The following PLIN1 variants were observed in gnomAD, a reference collection of about 807,000 sequenced individuals.
The protein encoded by PLIN1 is perilipin 1, also known as perilipin-1.
Under a neutral mutation model 45.8 loss-of-function variants are expected in PLIN1, and 37 were observed. The ratio of observed to expected loss-of-function variants is 0.81; its 90% CI spans 0.62 to 1.06. The LOEUF (loss-of-function observed/expected upper bound fraction) is 1.06, where lower values mean the gene tolerates loss of function less well. Among genes scored for constraint, PLIN1 ranks in the 50% least tolerant of loss-of-function variants. The pLI is 0.00. For synonymous variants in PLIN1, 340 were observed against 309.2 expected (o/e 1.10, Z -1.05); for missense variants, 776 against 716.5 (o/e 1.08, Z -0.95).
chr15:89,671,396 A>C (rs532739857), intron 4 of PLIN1, 86 bp downstream of exon 4: 3 of 965,338 alleles, frequency 3.1e-6, no homozygotes, highest in Non-Finnish European at 4.9e-6. Context: ...ACTTCCAGTC[A>C]CGGCATCAGC....
chr15:89,667,006 G>A lies in PLIN1; in HGVS notation c.1139C>T (p.Ala380Val), dbSNP rs146385147. 1,720 of 1,613,996 alleles carry A rather than the reference G, an allele frequency of 1.1e-3. 17 individuals are homozygous for A. The African/African-American group carries it at 0.02, about 19-fold the overall frequency. Residue 380 changes from alanine to valine, a missense_variant, in exon 8 of 9, where the codon GCC (alanine) becomes GTC (valine). Transcript: ENST00000300055. ...CTTCAGGGCATCTGATAGGGACATGGCCCTCCCCTTGGTTGAGGAGACAGC... is the reference window on the plus strand; with the variant it reads ...CTTCAGGGCATCTGATAGGGACATGACCCTCCCCTTGGTTGAGGAGACAGC... ...APAVSSTKGR[A>V]MSLSDALKGV... is the part of the protein sequence containing the mutation.
intron 4 of PLIN1, among the ~76,000 whole-genome samples, chr15:89,670,497 C>A (rs1174386847): frequency 6.6e-6 from 1 of 152,214 alleles, no homozygotes; most frequent in Non-Finnish European, 1.5e-5. Flanking sequence ...TCCCTCCCAT[C>A]CTGTGAGGAT....
chr15:89,673,506 C>G, intron 2 of PLIN1, 92 bp from the exon 3 acceptor site: 1 of 1,032,282 alleles, frequency 9.7e-7, no homozygotes, highest in Non-Finnish European at 1.5e-6. Flanking sequence ...AATGGTGCAA[C>G]TAGCCTGAGT....
At chr15:89,677,719 G>A (rs1166462936) in intron 1 of PLIN1, 4 of 578,214 alleles carry the variant, frequency 6.9e-6, no homozygotes, top group African/African-American at 1.9e-5. Context: ...TACTTGTCAA[G>A]ACTGATGTTT....
At chr15:89,673,441 T>G in intron 2 of PLIN1, 27 bp from the exon 3 acceptor site, 1 of 1,557,410 alleles carries the variant, frequency 6.4e-7, no homozygotes, top group Admixed American at 1.9e-5. Flanking sequence ...ACATTCAAGT[T>G]GTCCCACCTC....
At chr15:89,675,444 A>AAAAAAAAAAAAAAC (rs1567080451) in intron 2 of PLIN1, among the ~76,000 whole-genome samples, 1 of 138,486 alleles carries the variant, frequency 7.2e-6, no homozygotes. Context: ...AAAAAAAAAA[A>AAAAAAAAAAAAAAC]AAAGCTGGCC....
intron 3 of PLIN1, among the ~76,000 whole-genome samples, chr15:89,672,994 A>G (rs1464110942): frequency 6.6e-6 from 1 of 152,182 alleles, no homozygotes; most frequent in Non-Finnish European, 1.5e-5. Flanking sequence ...TCCTAGGAAA[A>G]TGCCAGCTGG....
chr15:89,677,755 T>G, intron 1 of PLIN1: 4 of 276,664 alleles, frequency 1.4e-5, no homozygotes, highest in Non-Finnish European at 2.8e-5. Flanking sequence ...CTTTCTTTCT[T>G]TTTTTTTTTT....
rs1283992058 is a variant in PLIN1 at position 89,666,810 on chromosome 15, G to C, written c.1209+126C>G. 2.8e-6 allele frequency: 3 copies of C among 1,052,714 alleles called. No homozygotes were observed. In the East Asian group the frequency reaches 7.5e-5, roughly 26 times the overall value. The allele number at this position is 1,052,714 out of a possible 1,614,324, so 65.2% of individuals were successfully genotyped here. A position where few individuals can be genotyped will look rare whatever the true frequency, so the allele number is the denominator to read the frequency against. ...TGTTGCCAGGGCACTGAGGACTGGAGTGGGGGGCGGTCTCCAGAGGAGTAG... is the reference window on the plus strand; with the variant it reads ...TGTTGCCAGGGCACTGAGGACTGGACTGGGGGGCGGTCTCCAGAGGAGTAG... On this transcript the variant is annotated intron_variant, in intron 8 of 8. Coordinates refer to ENST00000300055, the MANE Select transcript of PLIN1 (RefSeq NM_002666.5).
At position 89,665,579 on chromosome 15, in the gene PLIN1, C is replaced by T. The variant is rs1237763812; in HGVS notation, c.*4G>A. The T allele has an allele frequency of 2.6e-6, 4 of 1,524,086 alleles. No homozygotes were observed. Among genetic ancestry groups the T allele is most frequent in the African/African-American group, 1.4e-5 (1 of 71,592 alleles). The allele number at this position is 1,524,086 out of a possible 1,614,324, so 94.4% of individuals were successfully genotyped here. ...GCCCGGGGCGCGGCGGCTGGTGCGG[C>T]GACTCAGCTCTTCTTGCGCAGCTGG... On this transcript the variant is annotated 3_prime_UTR_variant, in exon 9 of 9. Transcript: ENST00000300055.
At position 89,677,137 on chromosome 15, in the gene PLIN1, G is replaced by C. The variant is rs1964530966; in HGVS notation, c.45+308C>G. 1.8e-5 allele frequency: 8 copies of C among 455,880 alleles called. No individual in the cohort carries two copies. The Admixed American group carries it at 2.7e-4, about 15-fold the overall frequency. 28.2% of individuals were successfully genotyped at this position (455,880 alleles called of 1,614,324 possible). A position where few individuals can be genotyped will look rare whatever the true frequency, so the allele number is the denominator to read the frequency against. On this transcript the variant is annotated intron_variant, in intron 2 of 8. Coordinates refer to ENST00000300055, the MANE Select transcript of PLIN1 (RefSeq NM_002666.5). Reference sequence around the variant, plus strand: ...TCCAGCTGGGTGGTGGACAGAGCATGGGCTTCTGCGTCAGGGTTTAAACAG... The same window carrying C: ...TCCAGCTGGGTGGTGGACAGAGCATCGGCTTCTGCGTCAGGGTTTAAACAG...
intron 2 of PLIN1, among the ~76,000 whole-genome samples, chr15:89,675,983 TG>T (rs1028598697): frequency 6.6e-6 from 1 of 152,012 alleles, no homozygotes; most frequent in Non-Finnish European, 1.5e-5. Flanking sequence ...AAAGGGTACG[TG>T]GGGCTTCCTA....
Position 89,665,852 on chromosome 15 carries a change from T to G in PLIN1, c.1300A>C (p.Arg434=). The G allele has an allele frequency of 6.7e-7, 1 of 1,484,446 alleles. No individual in the cohort carries two copies. Among genetic ancestry groups the G allele is most frequent in the East Asian group, 2.8e-5 (1 of 35,728 alleles). 92.0% of individuals were successfully genotyped at this position (1,484,446 alleles called of 1,614,324 possible). A position where few individuals can be genotyped will look rare whatever the true frequency, so the allele number is the denominator to read the frequency against. ...AEVERREAER[R]ASGAPSAGPE... ...CCGGCGGACGGCGCCCCAGACGCTC[T>G]GCGCTCCGCCTCCCGGCGCTCGACC... is the stretch of plus-strand genomic sequence containing the variant. Residue 434 remains arginine, a synonymous_variant, in exon 9 of 9, where the codon AGA becomes CGA. Transcript: ENST00000300055.
chr15:89,669,642 T>A lies in PLIN1; in HGVS notation c.629A>T (p.Lys210Met), dbSNP rs1211466844. 4 of 1,613,986 alleles carry A rather than the reference T, an allele frequency of 2.5e-6. No individual in the cohort carries two copies. Among genetic ancestry groups the A allele is most frequent in the Non-Finnish European group, 3.4e-6 (4 of 1,179,964 alleles). ...APAPGHQQAQ[K>M]SPKAKPSLLS... ...GAGGCTTGGCTTGGCCTTGGGAGACTTCTGGGCTTGCTGGTGTCCAGGAGC... is the reference window on the plus strand; with the variant it reads ...GAGGCTTGGCTTGGCCTTGGGAGACATCTGGGCTTGCTGGTGTCCAGGAGC... Residue 210 changes from lysine (K) to methionine (M), a missense_variant, in exon 6 of 9, where the codon AAG becomes ATG. Physicochemically the swap from Lys to Met is moderately conservative, Grantham distance 95 (BLOSUM62 -1). Transcript: ENST00000300055.
intron 7 of PLIN1, 70 bp downstream of exon 7, chr15:89,667,532 C>T: frequency 6.2e-7 from 1 of 1,612,034 alleles, no homozygotes; most frequent in Non-Finnish European, 8.5e-7. Context: ...GCCCTGAGTT[C>T]ACCCTATGCC....
At chr15:89,676,491 C>A (rs1306136393) in intron 2 of PLIN1, 3 of 152,232 alleles carry the variant, frequency 2.0e-5, no homozygotes, top group African/African-American at 7.2e-5. Context: ...TTGTGAACCG[C>A]CCGCCTTGGC....
chr15:89,673,929 G>A (rs1202632910), intron 2 of PLIN1, among the ~76,000 whole-genome samples: 1 of 152,094 alleles, frequency 6.6e-6, no homozygotes, highest in East Asian at 1.9e-4. Flanking sequence ...GACTCTGCTT[G>A]ACCAGCACTC....
chr15:89,670,345 A>G, intron 4 of PLIN1, 101 bp from the exon 5 acceptor site: 1 of 1,269,082 alleles, frequency 7.9e-7, no homozygotes, highest in South Asian at 1.4e-5. Flanking sequence ...CCAGGAAGGC[A>G]TCACCTAAAG....
intron 7 of PLIN1, 146 bp from the exon 8 acceptor site, chr15:89,667,327 G>A: frequency 9.0e-7 from 1 of 1,112,718 alleles, no homozygotes; most frequent in Admixed American, 2.0e-5. Context: ...TGTGGCCTTG[G>A]ACAGGTCACA....
Sources: allele counts gnomAD v4.1 joint callset (sites outside exome capture counted in the v4.1 genomes callset), GRCh38; gene constraint gnomAD v4.1.1; transcripts MANE v1.5; gene names NCBI Gene and HGNC (gene_info 2026-07-23, HGNC 2026-07-21).